The following MYOF variants were observed in gnomAD, a reference collection of about 807,000 sequenced individuals.
MYOF encodes the protein myoferlin, also known as fer-1-like 3, myoferlin.
In MYOF, 244 loss-of-function variants were observed where a neutral mutation model predicts 284.2. That is an observed-to-expected ratio of 0.86 (90% CI 0.77 to 0.95). The LOEUF (loss-of-function observed/expected upper bound fraction) is 0.95, where lower values mean the gene tolerates loss of function less well. MYOF is among the 40% of genes least tolerant of loss of function. MYOF has a pLI of 0.00. For synonymous variants in MYOF, 904 were observed against 919.7 expected (o/e 0.98, Z 0.31); for missense variants, 2,496 against 2,560.6 (o/e 0.97, Z 0.54).
At position 93,333,327 on chromosome 10, in the gene MYOF, A is replaced by T. The variant is rs753137476; in HGVS notation, c.4720-15T>A. On this transcript the variant is annotated splice_polypyrimidine_tract_variant and intron_variant, in intron 42 of 53. Coordinates refer to ENST00000359263, the MANE Select transcript of MYOF (RefSeq NM_013451.4). The stretch of plus-strand genomic sequence containing the variant: ...TAAGGGTCACACTGTGGGACAAAAT[A>T]GACGGGATGTTACATCATTGTAGGG... 18 of 1,606,742 alleles carry T rather than the reference A, an allele frequency of 1.1e-5. No homozygotes were observed. The African/African-American group carries it at 2.4e-4, about 21-fold the overall frequency.
chr10:93,428,439 C>T (rs1848693115), intron 4 of MYOF, among the ~76,000 whole-genome samples: 1 of 151,770 alleles, frequency 6.6e-6, no homozygotes, highest in Non-Finnish European at 1.5e-5. Context: ...CTCCTGACCT[C>T]AGATGATCCA....
At chr10:93,403,995 T>C (rs989206401) in intron 9 of MYOF, 28 bp downstream of exon 9, 5 of 1,608,978 alleles carry the variant, frequency 3.1e-6, no homozygotes, top group African/African-American at 2.7e-5. Context: ...TTTCTGTAAG[T>C]TGAATGAAGC....
intron 1 of MYOF, among the ~76,000 whole-genome samples, chr10:93,465,856 C>G (rs974831667): frequency 6.6e-6 from 1 of 152,122 alleles, no homozygotes; most frequent in Non-Finnish European, 1.5e-5. Flanking sequence ...CTCCTTGCAT[C>G]CCCCCAGGGA....
At chr10:93,395,610 G>A (rs1256445629) in intron 16 of MYOF, among the ~76,000 whole-genome samples, 1 of 150,204 alleles carries the variant, frequency 6.7e-6, no homozygotes, top group Admixed American at 6.6e-5. Flanking sequence ...ACAACAGAAA[G>A]AACAATGTGT....
chr10:93,383,944 A>T (rs1776084), intron 19 of MYOF, among the ~76,000 whole-genome samples: 119,276 of 151,528 alleles, frequency 0.79, 47,193 homozygotes, highest in East Asian at 0.98. Flanking sequence ...AACCCCATGG[A>T]TGCTCTCACG....
At chr10:93,364,233 A>G (rs1240787152) in intron 26 of MYOF, among the ~76,000 whole-genome samples, 158 bp from the exon 27 acceptor site, 4 of 152,184 alleles carry the variant, frequency 2.6e-5, no homozygotes, top group Non-Finnish European at 5.9e-5. Flanking sequence ...TCTTTGTACT[A>G]ATCGCTTTTG....
intron 50 of MYOF, among the ~76,000 whole-genome samples, chr10:93,315,167 A>G (rs1842563358): frequency 6.6e-6 from 1 of 152,240 alleles, no homozygotes; most frequent in East Asian, 1.9e-4. Flanking sequence ...GCACTTAGTC[A>G]AAACCATTGC....
intron 5 of MYOF, among the ~76,000 whole-genome samples, chr10:93,421,343 C>G (rs1320778487): frequency 6.6e-6 from 1 of 152,206 alleles, no homozygotes; most frequent in Non-Finnish European, 1.5e-5. Context: ...TTCTCTGTCT[C>G]ATATTTGTTT....
chr10:93,410,751 C>T (rs771744491), intron 5 of MYOF, among the ~76,000 whole-genome samples: 16 of 152,232 alleles, frequency 1.1e-4, no homozygotes, highest in African/African-American at 2.2e-4. Context: ...GCCACCCTGT[C>T]TAGAACCCTG....
chr10:93,376,785 G>T (rs1243914526), intron 22 of MYOF, among the ~76,000 whole-genome samples: 1 of 152,148 alleles, frequency 6.6e-6, no homozygotes, highest in African/African-American at 2.4e-5. Context: ...GTTATGAAAG[G>T]TCCGCTGGTT....
chr10:93,442,041 C>CACAGAG (rs57700900), intron 3 of MYOF, among the ~76,000 whole-genome samples: 3 of 142,626 alleles, frequency 2.1e-5, no homozygotes, highest in Non-Finnish European at 3.1e-5. Context: ...CACACACACA[C>CACAGAG]AGAATAAACC....
intron 5 of MYOF, among the ~76,000 whole-genome samples, chr10:93,418,345 T>G (rs532681813): frequency 1.3e-5 from 2 of 152,320 alleles, no homozygotes; most frequent in East Asian, 3.9e-4. Flanking sequence ...GTAGAATAAT[T>G]TTTTTCTGAA....
Position 93,426,176 on chromosome 10 carries a change from G to C in MYOF, c.346-18C>G. The C allele has an allele frequency of 1.3e-6, 2 of 1,550,708 alleles. No homozygotes were observed. The highest frequency in any genetic ancestry group is 1.7e-6 in the Non-Finnish European group (2 of 1,146,624). On this transcript the variant is annotated intron_variant, in intron 4 of 53. Transcript: ENST00000359263. ...ATGGTGGCCTGGGTAGAAATAATTC[G>C]TTGCAAATATTATCAGTGCAGGGCA...
chr10:93,412,047 GA>G (rs1181407349), intron 5 of MYOF, among the ~76,000 whole-genome samples: 1 of 152,140 alleles, frequency 6.6e-6, no homozygotes, highest in African/African-American at 2.4e-5. Context: ...TGGACCCACA[GA>G]ATGTTGTCCT....
intron 22 of MYOF, among the ~76,000 whole-genome samples, chr10:93,375,755 G>A (rs894831725): frequency 2.6e-5 from 4 of 152,116 alleles, no homozygotes; most frequent in African/African-American, 9.7e-5. Context: ...ATTCTCAAAG[G>A]GGCCCATGAA....
At chr10:93,399,612 G>C in intron 12 of MYOF, 117 bp from the exon 13 acceptor site, 1 of 665,100 alleles carries the variant, frequency 1.5e-6, no homozygotes, top group Non-Finnish European at 2.5e-6. Context: ...AGTGGCTCAT[G>C]CCTGTAATCC....
intron 30 of MYOF, 94 bp from the exon 31 acceptor site, chr10:93,355,830 A>G (rs1844774572): frequency 3.5e-6 from 3 of 860,656 alleles, no homozygotes; most frequent in East Asian, 4.9e-5. Context: ...AACAAATGGA[A>G]TTCTAGCTTT....
At position 93,397,227 on chromosome 10, in the gene MYOF, C is replaced by T. The variant is rs1847060441; in HGVS notation, c.1334+20G>A. The T allele has an allele frequency of 6.5e-7, 1 of 1,538,872 alleles. No individual in the cohort carries two copies. Among genetic ancestry groups the T allele is most frequent in the South Asian group, 1.1e-5 (1 of 87,280 alleles). On this transcript the variant is annotated intron_variant, in intron 15 of 53. Transcript: ENST00000359263. The stretch of plus-strand genomic sequence containing the variant: ...TGTTTATTTTATGTTGAATTAGACA[C>T]ATACGTATTTTCAACTCACCAGTCA...
rs143460456 is a variant in MYOF, at chr10:93,382,905, C to CT, written c.1699-1510dup. Among the ~76,000 whole-genome samples the CT allele has an allele frequency of 2.4e-4, 36 of 151,382 alleles. No homozygotes were observed. The East Asian group carries it at 3.1e-3, about 13-fold the overall frequency. On this transcript the variant is annotated intron_variant, in intron 19 of 53. Coordinates refer to ENST00000359263, the MANE Select transcript of MYOF (RefSeq NM_013451.4). The stretch of plus-strand genomic sequence containing the variant: ...ATACCCAGAAGTGGAATTTTTAATT[C>CT]TTTTTTTTTAGACTGTGTCTCGCTC...
Sources: gnomAD v4.1 joint callset for allele counts (sites outside exome capture counted in the v4.1 genomes callset) on GRCh38, gnomAD v4.1.1 for gene constraint, MANE v1.5 for transcripts, NCBI Gene and HGNC (gene_info 2026-07-23, HGNC 2026-07-21) for gene names.